The following LDLRAD3 variants were observed in gnomAD, a reference collection of about 807,000 sequenced individuals.
The protein encoded by LDLRAD3 is low-density lipoprotein receptor class A domain-containing protein 3.
In LDLRAD3, 20 loss-of-function variants were observed where a neutral mutation model predicts 29.4. That is an observed-to-expected ratio of 0.68 (90% CI 0.48 to 0.99). The LOEUF is 0.99. LDLRAD3 is among the 50% of genes least tolerant of loss of function. The pLI, the probability that LDLRAD3 is intolerant of heterozygous loss-of-function variation, is 0.00. For missense variants in LDLRAD3, 420 were observed against 454.3 expected (o/e 0.92, Z 0.69); for synonymous variants, 157 against 192.7 (o/e 0.81, Z 1.53).
intron 1 of LDLRAD3, among the ~76,000 whole-genome samples, chr11:36,007,607 C>G (rs1173222037): frequency 6.6e-6 from 1 of 152,166 alleles, no homozygotes; most frequent in African/African-American, 2.4e-5. Context: ...AGCAGTCCTC[C>G]TCAGCCAGCA....
At chr11:36,081,873 C>A in intron 3 of LDLRAD3, 95 bp downstream of exon 3, 3 of 1,429,922 alleles carry the variant, frequency 2.1e-6, no homozygotes, top group Admixed American at 1.9e-5. Flanking sequence ...CTTCTTATAC[C>A]TAGAGGCTCA....
chr11:36,073,694 C>T (rs1044294285), intron 2 of LDLRAD3, among the ~76,000 whole-genome samples: 5 of 152,280 alleles, frequency 3.3e-5, no homozygotes, highest in Non-Finnish European at 7.3e-5. Context: ...CTGACATAAA[C>T]AGCAACTGAG....
intron 1 of LDLRAD3, among the ~76,000 whole-genome samples, chr11:35,986,876 C>T (rs544468149): frequency 6.6e-6 from 1 of 152,212 alleles, no homozygotes; most frequent in Non-Finnish European, 1.5e-5. Context: ...AGTAAAAGCT[C>T]AGGCATGAGT....
intron 4 of LDLRAD3, among the ~76,000 whole-genome samples, chr11:36,198,179 A>G (rs1391006414): frequency 1.3e-5 from 2 of 152,242 alleles, no homozygotes; most frequent in South Asian, 2.1e-4. Flanking sequence ...AAGGTCATCA[A>G]ATGCTTTTCT....
intron 4 of LDLRAD3, among the ~76,000 whole-genome samples, chr11:36,152,593 T>C (rs1275608908): frequency 6.6e-6 from 1 of 152,242 alleles, no homozygotes; most frequent in Non-Finnish European, 1.5e-5. Flanking sequence ...TCATCCATTC[T>C]TCTTTCAGGG....
At chr11:36,202,285 G>A (rs1314501031) in intron 4 of LDLRAD3, among the ~76,000 whole-genome samples, 2 of 152,072 alleles carry the variant, frequency 1.3e-5, no homozygotes, top group Non-Finnish European at 2.9e-5. Flanking sequence ...TGATCCACCC[G>A]CCTCAGCCTC....
At chr11:36,222,132 T>C (rs59051429) in intron 4 of LDLRAD3, among the ~76,000 whole-genome samples, 10,234 of 152,244 alleles carry the variant, frequency 0.067, 454 homozygotes, top group East Asian at 0.2. Context: ...CATAGTGGCA[T>C]GGTCATAGCT....
intron 4 of LDLRAD3, among the ~76,000 whole-genome samples, chr11:36,164,115 G>A (rs1854482260): frequency 6.6e-6 from 1 of 152,146 alleles, no homozygotes; most frequent in Non-Finnish European, 1.5e-5. Flanking sequence ...GATCCTCTAG[G>A]TCACACAGGA....
At chr11:35,985,921 G>A (rs1343225523) in intron 1 of LDLRAD3, among the ~76,000 whole-genome samples, 1 of 151,800 alleles carries the variant, frequency 6.6e-6, no homozygotes, top group African/African-American at 2.4e-5. Context: ...ATACAGTGGA[G>A]TTCAATTTAT....
At position 36,095,702 on chromosome 11, in the gene LDLRAD3, T is replaced by C. The variant is rs7102051; in HGVS notation, c.320-2625T>C. On this transcript the variant is annotated intron_variant, in intron 3 of 5. Coordinates refer to ENST00000315571, the MANE Select transcript of LDLRAD3 (RefSeq NM_174902.4). Reference sequence around the variant, plus strand: ...AAAGGGTCTAAGACTGAAGGAAAAGTAAGTAGATGACAGTAGTTTCAGCAA... The same window carrying C: ...AAAGGGTCTAAGACTGAAGGAAAAGCAAGTAGATGACAGTAGTTTCAGCAA... 4.9e-3 allele frequency among the ~76,000 whole-genome samples: 752 copies of C among 152,344 alleles called. 3 individuals are homozygous for C. Among genetic ancestry groups the C allele is most frequent in the Middle Eastern group, 0.017 (5 of 294 alleles).
intron 1 of LDLRAD3, 92 bp from the exon 2 acceptor site, chr11:36,036,011 C>G: frequency 4.6e-6 from 6 of 1,306,284 alleles, no homozygotes; most frequent in Non-Finnish European, 6.3e-6. Flanking sequence ...TACCAGAAGT[C>G]TCACCTATAC....
At chr11:36,093,274 T>A (rs1853311008) in intron 3 of LDLRAD3, among the ~76,000 whole-genome samples, 1 of 152,168 alleles carries the variant, frequency 6.6e-6, no homozygotes, top group Admixed American at 6.5e-5. Context: ...GTTTCAAAAA[T>A]GTATCATTGT....
At chr11:35,985,136 G>C (rs1245138097) in intron 1 of LDLRAD3, among the ~76,000 whole-genome samples, 1 of 151,976 alleles carries the variant, frequency 6.6e-6, no homozygotes, top group African/African-American at 2.4e-5. Flanking sequence ...TTCCTTTGTT[G>C]CCCAGGCTGA....
intron 4 of LDLRAD3, among the ~76,000 whole-genome samples, chr11:36,178,540 C>T (rs1854711823): frequency 6.6e-6 from 1 of 152,238 alleles, no homozygotes; most frequent in Non-Finnish European, 1.5e-5. Context: ...AAGCTCCTCA[C>T]CATGGCATTC....
In LDLRAD3 at chr11:35,944,802, G is replaced by A. The variant is rs1191349878; in HGVS notation, c.46+658G>A. On this transcript the variant is annotated intron_variant, in intron 1 of 5. Transcript: ENST00000315571. The surrounding 1 kb of genome is among the most constrained non-coding windows in gnomAD (Gnocchi z 4.9). ...GACCACCCTACTTGCCCCGCGATGGGCGCCCTGACCGGCGAGGGGCCCTGG... is the reference window on the plus strand; with the variant it reads ...GACCACCCTACTTGCCCCGCGATGGACGCCCTGACCGGCGAGGGGCCCTGG... 6.6e-6 allele frequency among the ~76,000 whole-genome samples: 1 copy of A among 152,236 alleles called. No homozygotes were observed. Among genetic ancestry groups the A allele is most frequent in the East Asian group, 1.9e-4 (1 of 5,190 alleles).
chr11:36,190,366 G>A (rs56860164), intron 4 of LDLRAD3, among the ~76,000 whole-genome samples: 6,168 of 152,086 alleles, frequency 0.041, 401 homozygotes, highest in African/African-American at 0.13. Context: ...TGGGTGTGGC[G>A]GCACATGCCT....
At chr11:35,952,057 T>G (rs572289188) in intron 1 of LDLRAD3, among the ~76,000 whole-genome samples, 12 of 152,358 alleles carry the variant, frequency 7.9e-5, no homozygotes, top group African/African-American at 2.9e-4. Flanking sequence ...TATAATTTAT[T>G]TAATGCTTTC....
intron 4 of LDLRAD3, among the ~76,000 whole-genome samples, chr11:36,172,966 T>G (rs1465062325): frequency 6.6e-6 from 1 of 152,194 alleles, no homozygotes; most frequent in African/African-American, 2.4e-5. Flanking sequence ...CTGGACTTTT[T>G]TGGTTGGCAA....
At chr11:36,056,858 A>T (rs1447680369) in intron 2 of LDLRAD3, among the ~76,000 whole-genome samples, 2 of 152,102 alleles carry the variant, frequency 1.3e-5, no homozygotes, top group African/African-American at 2.4e-5. Flanking sequence ...TCACTCCCCA[A>T]ATCCTCCCTG....
Sources: gnomAD v4.1 joint callset for allele counts (sites outside exome capture counted in the v4.1 genomes callset) on GRCh38, gnomAD v4.1.1 for gene constraint, Gnocchi (gnomAD v3.1) non-coding constraint, MANE v1.5 for transcripts, NCBI Gene and HGNC (gene_info 2026-07-23, HGNC 2026-07-21) for gene names.